The following BCAS3 variants were observed in gnomAD, a reference collection of about 807,000 sequenced individuals.
BCAS3 encodes the protein BCAS4/BCAS3 fusion.
Under a neutral mutation model 116.1 loss-of-function variants are expected in BCAS3, and 53 were observed. That is an observed-to-expected ratio of 0.46 (90% confidence interval 0.37 to 0.57). The LOEUF is 0.57. BCAS3 is among the 20% of genes least tolerant of loss of function. The probability of loss-of-function intolerance (pLI) is 0.00; values close to 1 mark genes in which losing one functional copy is unlikely to be tolerated. For synonymous variants in BCAS3, 391 were observed against 408.2 expected, an observed-to-expected ratio of 0.96 and a Z score of 0.51; for missense variants, 917 against 1,165.4, an observed-to-expected ratio of 0.79 and a Z score of 3.10.
At chr17:61,027,059 G>T in intron 16 of BCAS3, 1 of 579,356 alleles carries the variant, frequency 1.7e-6, no homozygotes. Context: ...CATGAATGTT[G>T]ATATTTAAGC....
chr17:60,964,963 T>A lies in BCAS3; in HGVS notation c.1221+17611T>A, dbSNP rs1257892590. Among the ~76,000 whole-genome samples, 1 of 152,136 alleles carries A rather than the reference T, an allele frequency of 6.6e-6. No individual in the cohort carries two copies. The highest frequency in any genetic ancestry group is 1.5e-5 in the Non-Finnish European group (1 of 68,012). ...TTAGTCTAGCTCAAGACTTGTTGAT[T>A]TTGTTTACATTTTTGAAAACCAATG... On this transcript the variant is annotated intron_variant, in intron 14 of 23. Coordinates refer to ENST00000407086, the MANE Select transcript of BCAS3 (RefSeq NM_017679.5). The surrounding 1 kb of genome is among the most constrained non-coding windows in gnomAD (Gnocchi z 4.6).
rs1055889009 is a variant in BCAS3, at chr17:61,073,734, T to A, written c.2030-1186T>A. On this transcript the variant is annotated intron_variant, in intron 19 of 23. Coordinates refer to ENST00000407086, the MANE Select transcript of BCAS3 (RefSeq NM_017679.5). This position sits in a 1 kb window ranked among gnomAD's most constrained non-coding sequence, Gnocchi z 4.6. ...TCCACACTTCTTTAATGATCATCTC[T>A]TACTTTCTTACTTTTCTTTCTACTT... 2.0e-5 allele frequency among the ~76,000 whole-genome samples: 3 copies of A among 152,176 alleles called. No homozygotes were observed. Among genetic ancestry groups the A allele is most frequent in the African/African-American group, 7.2e-5 (3 of 41,442 alleles).
At chr17:60,741,135 A>G (rs577595350) in intron 5 of BCAS3, among the ~76,000 whole-genome samples, 1 of 152,250 alleles carries the variant, frequency 6.6e-6, no homozygotes, top group South Asian at 2.1e-4. Context: ...CTGCCCTGGT[A>G]AATTGTGATT....
At chr17:61,138,836 G>A (rs1200656159) in intron 22 of BCAS3, among the ~76,000 whole-genome samples, 1 of 152,158 alleles carries the variant, frequency 6.6e-6, no homozygotes, top group African/African-American at 2.4e-5. Flanking sequence ...TGGAAATTCA[G>A]AGGATTCCAT....
intron 13 of BCAS3, among the ~76,000 whole-genome samples, chr17:60,934,699 C>T (rs2059827556): frequency 6.6e-6 from 1 of 152,152 alleles, no homozygotes; most frequent in African/African-American, 2.4e-5. Flanking sequence ...TCTTGCCATA[C>T]ATTAAATATT....
intron 22 of BCAS3, among the ~76,000 whole-genome samples, chr17:61,158,403 A>G (rs900528071): frequency 3.3e-5 from 5 of 152,162 alleles, no homozygotes; most frequent in African/African-American, 1.2e-4. Context: ...AGCTGCTTTA[A>G]TGTAGCTGAA....
Position 61,032,076 on chromosome 17 carries a change from G to A in BCAS3, c.1638-2590G>A, listed in dbSNP as rs180798393. On this transcript the variant is annotated intron_variant, in intron 16 of 23. Coordinates refer to ENST00000407086, the MANE Select transcript of BCAS3 (RefSeq NM_017679.5). This position sits in a 1 kb window ranked among gnomAD's most constrained non-coding sequence, Gnocchi z 4.6. Reference sequence around the variant, plus strand: ...TTGTATGTCAAAAAACTAAATTGACGTCCTCTCATTTTTCTACTTTTTATT... The same window carrying A: ...TTGTATGTCAAAAAACTAAATTGACATCCTCTCATTTTTCTACTTTTTATT... 3.1e-4 allele frequency among the ~76,000 whole-genome samples: 47 copies of A among 152,080 alleles called. No individual in the cohort carries two copies. Among genetic ancestry groups the A allele is most frequent in the Non-Finnish European group, 3.2e-4 (22 of 67,934 alleles).
chr17:61,171,094 C>A lies in BCAS3; in HGVS notation c.2425+86530C>A, dbSNP rs560355476. 1.3e-5 allele frequency among the ~76,000 whole-genome samples: 2 copies of A among 152,048 alleles called. No homozygotes were observed. Among genetic ancestry groups the A allele is most frequent in the African/African-American group, 4.8e-5 (2 of 41,394 alleles). On this transcript the variant is annotated intron_variant, in intron 22 of 23. Transcript: ENST00000407086. The surrounding 1 kb of genome is among the most constrained non-coding windows in gnomAD (Gnocchi z 4.1). ...ATTTCCTCTAAATTCCTGTAGCCTT[C>A]CTTGCTTAAAAAAAAGCAAGACCCA...
rs2057169135 is a variant in BCAS3, at chr17:60,891,773, C to T, written c.738+2002C>T. The stretch of plus-strand genomic sequence containing the variant: ...CATCCAGATATTGAACATTGTACCC[C>T]ATAAGTGATTTTTCAACCCTCAGCT... On this transcript the variant is annotated intron_variant, in intron 10 of 23. Transcript: ENST00000407086. 8 of 455,108 alleles carry T rather than the reference C, an allele frequency of 1.8e-5. 1 individual carries two copies. Among genetic ancestry groups the T allele is most frequent in the South Asian group, 9.3e-5 (6 of 64,426 alleles). 28.2% of individuals were successfully genotyped at this position (455,108 alleles called of 1,614,324 possible). A position where few individuals can be genotyped will look rare whatever the true frequency, so the allele number is the denominator to read the frequency against.
chr17:61,086,499 G>A (rs539047987), intron 22 of BCAS3, among the ~76,000 whole-genome samples: 1 of 152,302 alleles, frequency 6.6e-6, no homozygotes, highest in Non-Finnish European at 1.5e-5. Context: ...TGCAAGAAGA[G>A]TTTTTAAGTT....
chr17:61,020,181 A>G lies in BCAS3; in HGVS notation c.1637+4280A>G, dbSNP rs1462679281. Among the ~76,000 whole-genome samples, 2 of 152,242 alleles carry G rather than the reference A, an allele frequency of 1.3e-5. No individual in the cohort carries two copies. Among genetic ancestry groups the G allele is most frequent in the Non-Finnish European group, 2.9e-5 (2 of 68,038 alleles). Reference sequence around the variant, plus strand: ...AGTAATTAAATACCCAAATTGAGATAGAAGCCTCAACTTAAACCTTAAGGG... The same window carrying G: ...AGTAATTAAATACCCAAATTGAGATGGAAGCCTCAACTTAAACCTTAAGGG... On this transcript the variant is annotated intron_variant, in intron 16 of 23. Coordinates refer to ENST00000407086, the MANE Select transcript of BCAS3 (RefSeq NM_017679.5). The surrounding 1 kb of genome is among the most constrained non-coding windows in gnomAD (Gnocchi z 4.5).
chr17:61,132,363 G>A lies in BCAS3; in HGVS notation c.2425+47799G>A, dbSNP rs964556104. ...ACTACTTGAGTATAGGTGAGAACTT[G>A]ACAGATAATTATGGTTGCTTGACCT... On this transcript the variant is annotated intron_variant, in intron 22 of 23. Coordinates refer to ENST00000407086, the MANE Select transcript of BCAS3 (RefSeq NM_017679.5). The surrounding 1 kb of genome is among the most constrained non-coding windows in gnomAD (Gnocchi z 5.1). Among the ~76,000 whole-genome samples the A allele has an allele frequency of 6.6e-6, 1 of 152,336 alleles. No individual in the cohort carries two copies. The highest frequency in any genetic ancestry group is 3.4e-3 in the Middle Eastern group (1 of 294).
At chr17:61,255,229 G>A (rs2048695184) in intron 22 of BCAS3, among the ~76,000 whole-genome samples, 1 of 152,170 alleles carries the variant, frequency 6.6e-6, no homozygotes, top group African/African-American at 2.4e-5. Flanking sequence ...CTTCTCTGGT[G>A]CTTGTCAAAA....
rs1175091418 is a variant in BCAS3 at position 61,251,438 on chromosome 17, C to T, written c.2426-116889C>T. Reference sequence around the variant, plus strand: ...ACAAAAAATTAGCCGGGCCTGGTGGCGGGCGCCTATAATCCCAACTACTAG... The same window carrying T: ...ACAAAAAATTAGCCGGGCCTGGTGGTGGGCGCCTATAATCCCAACTACTAG... On this transcript the variant is annotated intron_variant, in intron 22 of 23. Coordinates refer to ENST00000407086, the MANE Select transcript of BCAS3 (RefSeq NM_017679.5). The surrounding 1 kb of genome is among the most constrained non-coding windows in gnomAD (Gnocchi z 4.7). 3.9e-5 allele frequency among the ~76,000 whole-genome samples: 6 copies of T among 152,026 alleles called. No homozygotes were observed. Among genetic ancestry groups the T allele is most frequent in the Admixed American group, 1.3e-4 (2 of 15,272 alleles).
At chr17:60,983,746 A>G (rs1332966548) in intron 14 of BCAS3, among the ~76,000 whole-genome samples, 1 of 152,216 alleles carries the variant, frequency 6.6e-6, no homozygotes, top group Non-Finnish European at 1.5e-5. Context: ...AACATAGTTC[A>G]ATTTCACTGT....
At chr17:60,807,851 A>G (rs1376445796) in intron 6 of BCAS3, among the ~76,000 whole-genome samples, 153 bp from the exon 7 acceptor site, 1 of 151,940 alleles carries the variant, frequency 6.6e-6, no homozygotes, top group East Asian at 1.9e-4. Flanking sequence ...ATGATTTTAT[A>G]TAGTAGCTTT....
chr17:60,762,824 T>C (rs912667885), intron 6 of BCAS3, among the ~76,000 whole-genome samples: 2 of 151,948 alleles, frequency 1.3e-5, no homozygotes, highest in African/African-American at 4.8e-5. Flanking sequence ...ATTCTTCCTA[T>C]CCATGAGCAT....
chr17:60,724,743 C>G (rs912190222), intron 5 of BCAS3, among the ~76,000 whole-genome samples: 3 of 147,914 alleles, frequency 2.0e-5, no homozygotes, highest in African/African-American at 7.5e-5. Flanking sequence ...AATTCATTTT[C>G]TTTTAGTGGG....
chr17:61,043,934 A>T (rs2067762103), intron 19 of BCAS3, among the ~76,000 whole-genome samples: 1 of 151,994 alleles, frequency 6.6e-6, no homozygotes, highest in Admixed American at 6.5e-5. Flanking sequence ...GCTCATTAAA[A>T]TTTTCACTTT....
Sources: gnomAD v4.1 joint callset for allele counts (sites outside exome capture counted in the v4.1 genomes callset) on GRCh38, gnomAD v4.1.1 for gene constraint, Gnocchi (gnomAD v3.1) non-coding constraint, MANE v1.5 for transcripts, NCBI Gene and HGNC (gene_info 2026-07-23, HGNC 2026-07-21) for gene names.